Variants in MTHFD2L observed in about 807,000 individuals in gnomAD.
MTHFD2L encodes bifunctional methylenetetrahydrofolate dehydrogenase/cyclohydrolase 2, mitochondrial.
In MTHFD2L, 29 loss-of-function variants were observed where a neutral mutation model predicts 34.9. That is an observed-to-expected ratio of 0.83 (90% CI 0.62 to 1.13). MTHFD2L has a LOEUF of 1.13. MTHFD2L is among the 50% of genes most tolerant of loss of function. The probability of loss-of-function intolerance (pLI) is 0.00; values close to 1 mark genes in which losing one functional copy is unlikely to be tolerated. For synonymous variants in MTHFD2L, 167 were observed against 155.7 expected (o/e 1.07, Z -0.54); for missense variants, 481 against 446.5 (o/e 1.08, Z -0.70).
chr4:74,134,892 C>T (rs1333254872), intron 1 of MTHFD2L, among the ~76,000 whole-genome samples: 1 of 151,638 alleles, frequency 6.6e-6, no homozygotes, highest in Non-Finnish European at 1.5e-5. Context: ...AGCTCAAAGA[C>T]TGGCTGTTAA....
At chr4:74,270,394 C>T (rs1333817324) in intron 6 of MTHFD2L, among the ~76,000 whole-genome samples, 1 of 150,556 alleles carries the variant, frequency 6.6e-6, no homozygotes, top group Admixed American at 6.6e-5. Flanking sequence ...TTGTTCAATT[C>T]CCACCTATGA....
At chr4:74,211,711 G>T (rs537930441) in intron 5 of MTHFD2L, among the ~76,000 whole-genome samples, 1 of 152,294 alleles carries the variant, frequency 6.6e-6, no homozygotes, top group East Asian at 1.9e-4. Flanking sequence ...AATGAGTTAA[G>T]GGGGAGTCCC....
At chr4:74,142,841 A>T (rs1226220645) in intron 1 of MTHFD2L, among the ~76,000 whole-genome samples, 2 of 152,222 alleles carry the variant, frequency 1.3e-5, no homozygotes, top group African/African-American at 4.8e-5. Flanking sequence ...GGACAAAAAA[A>T]TCCCCTGAAT....
At chr4:74,175,506 C>A in intron 3 of MTHFD2L, 103 bp downstream of exon 3, 1 of 1,215,770 alleles carries the variant, frequency 8.2e-7, no homozygotes, top group South Asian at 1.5e-5. Flanking sequence ...AAAATACATT[C>A]AGAAGGAGAC....
At chr4:74,131,029 A>G (rs900624591) in intron 1 of MTHFD2L, among the ~76,000 whole-genome samples, 3 of 152,210 alleles carry the variant, frequency 2.0e-5, no homozygotes, top group African/African-American at 7.2e-5. Context: ...TACAACTTAC[A>G]AGGGATGTGA....
At chr4:74,158,418 T>G in intron 1 of MTHFD2L, 137 bp downstream of exon 1, 1 of 628,584 alleles carries the variant, frequency 1.6e-6, no homozygotes, top group Non-Finnish European at 2.0e-6. Context: ...GACAGCCTTG[T>G]CTGTGAGGTG....
chr4:74,133,119 A>C (rs1722674212), intron 1 of MTHFD2L, among the ~76,000 whole-genome samples: 1 of 152,184 alleles, frequency 6.6e-6, no homozygotes. Flanking sequence ...TGTGAAAGAC[A>C]ATTTCTCTTT....
At chr4:74,127,687 T>A (rs1722176321) in intron 1 of MTHFD2L, among the ~76,000 whole-genome samples, 1 of 152,178 alleles carries the variant, frequency 6.6e-6, no homozygotes, top group Non-Finnish European at 1.5e-5. Flanking sequence ...TTTTGTCTAT[T>A]GTGAATAGTG....
In MTHFD2L at chr4:74,193,269, T is replaced by A. The variant is rs1301768908; in HGVS notation, c.452-6525T>A. 5.3e-5 allele frequency among the ~76,000 whole-genome samples: 8 copies of A among 152,310 alleles called. No homozygotes were observed. In the East Asian group the frequency reaches 1.5e-3, roughly 29 times the overall value. ...TTTTGTGGCATTCACATTCTATAAGTGTGACTCTAAAGCTGGGCTCTCTTT... is the reference window on the plus strand; with the variant it reads ...TTTTGTGGCATTCACATTCTATAAGAGTGACTCTAAAGCTGGGCTCTCTTT... On this transcript the variant is annotated intron_variant, in intron 3 of 7. Coordinates refer to ENST00000325278, the MANE Select transcript of MTHFD2L (RefSeq NM_001144978.3).
Position 74,174,516 on chromosome 4 carries a change from A to G in MTHFD2L, c.154A>G (p.Ile52Val). Residue 52 changes from isoleucine (I) to valine (V), a missense_variant, in exon 2 of 8, where the codon ATT (isoleucine) becomes GTT (valine). By Grantham distance (29) the Ile-to-Val change is conservative. Transcript: ENST00000325278. Reference protein sequence around the residue: ...FRSSGVRHEAIIISGTEMAKH... With the variant: ...FRSSGVRHEAVIISGTEMAKH... ...TTTTGCTTTCCACAGACATGAAGCC[A>G]TTATTATATCAGGAACCGAAATGGC... 2 of 1,547,102 alleles carry G rather than the reference A, an allele frequency of 1.3e-6. No individual in the cohort carries two copies. The highest frequency in any genetic ancestry group is 2.5e-5 in the South Asian group (2 of 79,760).
upstream of MTHFD2L, among the ~76,000 whole-genome samples, chr4:74,154,524 G>A (rs1003923227): frequency 2.0e-5 from 3 of 151,318 alleles, no homozygotes; most frequent in Non-Finnish European, 2.9e-5. Context: ...TTTATACTTC[G>A]GGTTATAATC....
At position 74,115,258 on chromosome 4, in the gene MTHFD2L, A is replaced by G. The variant is rs1560396053; in HGVS notation, c.-144+601A>G. Among the ~76,000 whole-genome samples the G allele has an allele frequency of 2.6e-5, 4 of 152,298 alleles. No homozygotes were observed. In the South Asian group the frequency reaches 8.3e-4, roughly 32 times the overall value. On this transcript the variant is annotated intron_variant and NMD_transcript_variant, in intron 2 of 9. Transcript: ENST00000429519. ...CAGAAATTCCATTAGTGGATTTGAG[A>G]TTGAGTTTAGAATATTTATTTAAGT...
chr4:74,193,944 G>A (rs1384541929), intron 3 of MTHFD2L: 2 of 152,040 alleles, frequency 1.3e-5, no homozygotes, highest in East Asian at 3.9e-4. Context: ...TGCCAACAAA[G>A]CATTAACTAG....
At chr4:74,159,862 T>G (rs1454508224) in intron 1 of MTHFD2L, among the ~76,000 whole-genome samples, 1 of 152,184 alleles carries the variant, frequency 6.6e-6, no homozygotes, top group East Asian at 1.9e-4. Context: ...ATTTTGATAG[T>G]TTTTATTTTT....
chr4:74,175,146 A>T, intron 2 of MTHFD2L, 135 bp from the exon 3 acceptor site: 1 of 943,682 alleles, frequency 1.1e-6, no homozygotes, highest in Non-Finnish European at 1.6e-6. Flanking sequence ...ACTATTGGAG[A>T]AATCCTTCCT....
At chr4:74,253,688 T>C (rs1578626392) in intron 6 of MTHFD2L, among the ~76,000 whole-genome samples, 3 of 152,176 alleles carry the variant, frequency 2.0e-5, no homozygotes, top group Admixed American at 2.0e-4. Context: ...CAGAGGACCA[T>C]AACCCAGGCT....
chr4:74,121,620 A>G (rs1721764227), upstream of MTHFD2L, among the ~76,000 whole-genome samples: 2 of 145,640 alleles, frequency 1.4e-5, no homozygotes, highest in South Asian at 4.2e-4. Context: ...TTAATTATAT[A>G]TAATTAATTA....
intron 1 of MTHFD2L, among the ~76,000 whole-genome samples, chr4:74,137,261 T>A (rs1290746755): frequency 6.6e-6 from 1 of 151,968 alleles, no homozygotes; most frequent in African/African-American, 2.4e-5. Flanking sequence ...CTCAAACAAT[T>A]CAATAGGAAA....
At chr4:74,191,794 T>G (rs1372266070) in intron 3 of MTHFD2L, among the ~76,000 whole-genome samples, 1 of 151,982 alleles carries the variant, frequency 6.6e-6, no homozygotes, top group Non-Finnish European at 1.5e-5. Flanking sequence ...CCTGACCTCA[T>G]GATTCACCTG....
Sources: gnomAD v4.1 joint callset for allele counts (sites outside exome capture counted in the v4.1 genomes callset) on GRCh38, gnomAD v4.1.1 for gene constraint, MANE v1.5 for transcripts, NCBI Gene and HGNC (gene_info 2026-07-23, HGNC 2026-07-21) for gene names.